The following EIF4E3 variants were observed in gnomAD, a reference collection of about 807,000 sequenced individuals.
EIF4E3 encodes eukaryotic translation initiation factor 4E family member 3.
Under a neutral mutation model 31.7 loss-of-function variants are expected in EIF4E3, and 26 were observed. The ratio of observed to expected loss-of-function variants is 0.82; its 90% CI spans 0.60 to 1.14. EIF4E3 has a LOEUF of 1.14. Ranked by LOEUF, EIF4E3 falls within the 50% of genes most tolerant of loss-of-function variation. The pLI is 0.00. For missense variants in EIF4E3, 304 were observed against 270.9 expected (o/e 1.12, Z -0.86); for synonymous variants, 128 against 107.7 (o/e 1.19, Z -1.17).
chr3:71,721,208 C>G (rs552019822), intron 1 of EIF4E3, among the ~76,000 whole-genome samples: 1 of 152,180 alleles, frequency 6.6e-6, no homozygotes. Flanking sequence ...GGTGAAGTCA[C>G]TGCGGGTAGA....
intron 6 of EIF4E3, among the ~76,000 whole-genome samples, chr3:71,689,127 A>G (rs2049030041): frequency 1.3e-5 from 2 of 152,236 alleles, no homozygotes; most frequent in Non-Finnish European, 2.9e-5. Flanking sequence ...ATAATGTGTT[A>G]CAGTTTAATT....
upstream of EIF4E3, among the ~76,000 whole-genome samples, chr3:71,728,074 T>G (rs182126764): frequency 7.9e-5 from 12 of 152,350 alleles, no homozygotes; most frequent in East Asian, 2.3e-3. Context: ...GAAGCATCAC[T>G]ATTTTTATAT....
At chr3:71,754,599 C>A (rs1172319446), upstream of EIF4E3, 12 of 1,436,038 alleles carry the variant, frequency 8.4e-6, no homozygotes, top group African/African-American at 1.5e-5. The surrounding 1 kb of genome is among the most constrained non-coding windows in gnomAD (Gnocchi z 5.8). Flanking sequence ...CCCCGGCGCG[C>A]TGGGCTTCCT....
chr3:71,737,365 A>G (rs2049774183), intron 1 of EIF4E3, among the ~76,000 whole-genome samples: 1 of 152,258 alleles, frequency 6.6e-6, no homozygotes, highest in Admixed American at 6.5e-5. Flanking sequence ...TGTACAAAAC[A>G]TATGACCACC....
chr3:71,727,566 A>G (rs547834692), upstream of EIF4E3, among the ~76,000 whole-genome samples: 156 of 152,288 alleles, frequency 1.0e-3, no homozygotes, highest in African/African-American at 3.6e-3. Flanking sequence ...GGCTTTCTTC[A>G]TCTACACAAG....
chr3:71,699,791 A>G, intron 2 of EIF4E3, 83 bp from the exon 3 acceptor site: 2 of 1,180,874 alleles, frequency 1.7e-6, no homozygotes, highest in South Asian at 1.3e-5. Flanking sequence ...AATGCATTAA[A>G]GAAAAATTTT....
At chr3:71,701,687 T>C (rs1285496287) in intron 2 of EIF4E3, among the ~76,000 whole-genome samples, 1 of 152,212 alleles carries the variant, frequency 6.6e-6, no homozygotes, top group Non-Finnish European at 1.5e-5. Flanking sequence ...TTTAGCTATG[T>C]TGAATGATAA....
the EIF4E3 span, among the ~76,000 whole-genome samples, chr3:71,670,214 A>G: frequency 6.6e-6 from 1 of 152,150 alleles, no homozygotes; most frequent in South Asian, 2.1e-4. Flanking sequence ...GGTGTTGGAG[A>G]TACTCACATA....
At chr3:71,727,299 TAA>T (rs1326382398), upstream of EIF4E3, among the ~76,000 whole-genome samples, 12 of 152,260 alleles carry the variant, frequency 7.9e-5, no homozygotes, top group African/African-American at 2.7e-4. Context: ...TCTAGATTCA[TAA>T]GTTATAAATC....
intron 1 of EIF4E3, among the ~76,000 whole-genome samples, chr3:71,747,639 A>AT (rs1436822021): frequency 6.6e-6 from 1 of 151,956 alleles, no homozygotes; most frequent in Non-Finnish European, 1.5e-5. Context: ...CAATTTATGT[A>AT]TTTTTTTCTT....
At chr3:71,745,196 G>A (rs1436202531) in intron 1 of EIF4E3, among the ~76,000 whole-genome samples, 1 of 152,174 alleles carries the variant, frequency 6.6e-6, no homozygotes, top group African/African-American at 2.4e-5. Context: ...GCAAATGAAA[G>A]GGTCTCTACC....
At chr3:71,671,824 C>CT (rs1209419773), downstream of EIF4E3, among the ~76,000 whole-genome samples, 1 of 151,332 alleles carries the variant, frequency 6.6e-6, no homozygotes, top group African/African-American at 2.4e-5. Context: ...TTTTGGAAGC[C>CT]TTTTTGGGAA....
chr3:71,714,203 A>C (rs1271225034), intron 1 of EIF4E3, among the ~76,000 whole-genome samples: 4 of 150,984 alleles, frequency 2.6e-5, no homozygotes, highest in Admixed American at 2.6e-4. Flanking sequence ...CAAGAGCAAA[A>C]CTCCATCTCA....
At chr3:71,703,215 A>G (rs2049242711) in intron 2 of EIF4E3, among the ~76,000 whole-genome samples, 1 of 152,236 alleles carries the variant, frequency 6.6e-6, no homozygotes, top group Non-Finnish European at 1.5e-5. Context: ...GAGCACTGTG[A>G]CGGGTCCTTG....
rs1417181358 is a variant in EIF4E3 at position 71,681,194 on chromosome 3, C to T, written c.*3488G>A. ...AACTAAATGTCTTATTGCCAAGTAT[C>T]ATTTTTACATTTTCTCGTCAAATTT... On this transcript the variant is annotated 3_prime_UTR_variant, in exon 7 of 7. Coordinates refer to ENST00000425534, the MANE Select transcript of EIF4E3 (RefSeq NM_001134651.2). The T allele has an allele frequency of 6.6e-6, 1 of 152,192 alleles. No homozygotes were observed. Among genetic ancestry groups the T allele is most frequent in the East Asian group, 1.9e-4 (1 of 5,206 alleles). The allele number at this position is 152,192 out of a possible 1,614,324, so 9.4% of individuals were successfully genotyped here.
intron 1 of EIF4E3, among the ~76,000 whole-genome samples, chr3:71,711,119 G>A (rs972063864): frequency 2.6e-5 from 4 of 152,174 alleles, no homozygotes; most frequent in Non-Finnish European, 5.9e-5. Context: ...TCCACTAGAT[G>A]GCAACATACT....
chr3:71,711,903 A>C (rs941036098), intron 1 of EIF4E3, among the ~76,000 whole-genome samples: 4 of 152,198 alleles, frequency 2.6e-5, no homozygotes, highest in African/African-American at 9.7e-5. Context: ...GAATCGCTTG[A>C]ACACAGGAGA....
At chr3:71,669,293 C>T in the EIF4E3 span, among the ~76,000 whole-genome samples, 9 of 151,972 alleles carry the variant, frequency 5.9e-5, no homozygotes, top group Non-Finnish European at 1.2e-4. Flanking sequence ...AGGAGAAATA[C>T]CTAAGGTAGA....
chr3:71,750,623 AAC>A (rs1189926074), intron 1 of EIF4E3, among the ~76,000 whole-genome samples: 1 of 152,166 alleles, frequency 6.6e-6, no homozygotes, highest in African/African-American at 2.4e-5. Flanking sequence ...ATGGACTCTA[AAC>A]ACAGAGTTCC....
Sources: gnomAD v4.1 joint callset for allele counts (sites outside exome capture counted in the v4.1 genomes callset) on GRCh38, gnomAD v4.1.1 for gene constraint, Gnocchi (gnomAD v3.1) non-coding constraint, MANE v1.5 for transcripts, NCBI Gene and HGNC (gene_info 2026-07-23, HGNC 2026-07-21) for gene names.